WDFY4: variants seen among roughly 807,000 people sequenced by gnomAD.
The protein encoded by WDFY4 is WD repeat- and FYVE domain-containing protein 4.
Under a neutral mutation model 351.9 loss-of-function variants are expected in WDFY4, and 169 were observed. The observed-to-expected ratio is 0.48, with a 90% confidence interval of 0.42 to 0.55. The LOEUF is 0.55. Among genes scored for constraint, WDFY4 ranks in the 20% least tolerant of loss-of-function variants. The pLI is 0.00. For missense variants in WDFY4, 3,803 were observed against 3,935.6 expected (o/e 0.97, Z 0.90); for synonymous variants, 1,622 against 1,574.6 (o/e 1.03, Z -0.71).
chr10:48,783,993 T>C (rs2066311584), intron 19 of WDFY4, among the ~76,000 whole-genome samples: 1 of 152,252 alleles, frequency 6.6e-6, no homozygotes, highest in African/African-American at 2.4e-5. Context: ...TACTTGGAAA[T>C]TCATCCAAAC....
At chr10:48,850,052 G>T (rs1159503350) in intron 39 of WDFY4, among the ~76,000 whole-genome samples, 1 of 152,176 alleles carries the variant, frequency 6.6e-6, no homozygotes, top group African/African-American at 2.4e-5. Context: ...GAAGTGATAT[G>T]CCCTTCTTTC....
At chr10:48,869,096 G>T (rs2069661040) in intron 40 of WDFY4, among the ~76,000 whole-genome samples, 1 of 152,200 alleles carries the variant, frequency 6.6e-6, no homozygotes, top group Admixed American at 6.5e-5. Context: ...AAGTCAGGTT[G>T]TTTTGATATT....
At chr10:48,797,165 T>C (rs1313162476) in intron 24 of WDFY4, among the ~76,000 whole-genome samples, 4 of 152,186 alleles carry the variant, frequency 2.6e-5, no homozygotes, top group Non-Finnish European at 4.4e-5. Flanking sequence ...GGAGTGTATA[T>C]GCTATTTGCA....
At chr10:48,789,844 C>T in intron 21 of WDFY4, 30 bp from the exon 22 acceptor site, 2 of 1,549,652 alleles carry the variant, frequency 1.3e-6, no homozygotes, top group Non-Finnish European at 1.7e-6. Context: ...GCAGGACTTT[C>T]TTAGGACTAA....
Position 48,731,509 on chromosome 10 carries a change from T to C in WDFY4, c.1529T>C (p.Leu510Pro). Residue 510 changes from leucine to proline, a missense_variant, in exon 9 of 62, where the codon CTG becomes CCG. This residue lies in a region of WDFY4 where 261 missense variants were observed against 330.2 expected (regional missense o/e 0.79). Transcript: ENST00000325239. ...GACATCTTCCGGGACTCAGGGCTCC[T>C]GGGCCTGCTACTGGCACAGCTTCGG... is the stretch of plus-strand genomic sequence containing the variant. ...FTDIFRDSGL[L>P]GLLLAQLRKQ... The C allele has an allele frequency of 6.4e-7, 1 of 1,551,520 alleles. No individual in the cohort carries two copies. Among genetic ancestry groups the C allele is most frequent in the Non-Finnish European group, 8.7e-7 (1 of 1,146,976 alleles).
At chr10:48,928,620 C>T (rs982890213) in intron 47 of WDFY4, among the ~76,000 whole-genome samples, 91 of 152,184 alleles carry the variant, frequency 6.0e-4, no homozygotes, top group African/African-American at 2.2e-3. Context: ...CAGGCCCCCT[C>T]GTATCATGCT....
intron 11 of WDFY4, among the ~76,000 whole-genome samples, chr10:48,742,628 G>A (rs1048458915): frequency 3.3e-5 from 5 of 152,200 alleles, no homozygotes; most frequent in Admixed American, 2.6e-4. Flanking sequence ...AGAGTATGAC[G>A]AGAGTTTTGA....
chr10:48,814,224 C>T, intron 31 of WDFY4, 142 bp downstream of exon 31: 1 of 1,188,640 alleles, frequency 8.4e-7, no homozygotes, highest in Non-Finnish European at 1.1e-6. Flanking sequence ...GAGGTAAGTT[C>T]CTAGAGTGAC....
intron 39 of WDFY4, among the ~76,000 whole-genome samples, chr10:48,854,614 A>G (rs1210997524): frequency 1.3e-5 from 2 of 152,174 alleles, no homozygotes; most frequent in African/African-American, 4.8e-5. Context: ...AGATTGAGTG[A>G]TCTCTCCTGT....
At chr10:48,813,847 C>A in intron 30 of WDFY4, 110 bp from the exon 31 acceptor site, 1 of 1,312,358 alleles carries the variant, frequency 7.6e-7, no homozygotes, top group Non-Finnish European at 9.9e-7. Context: ...CCAGTGTGCT[C>A]TTTTGCTTTT....
chr10:48,805,997 T>A lies in WDFY4; in HGVS notation c.4647-7T>A. 1 of 1,551,618 alleles carries A rather than the reference T, an allele frequency of 6.4e-7. No homozygotes were observed. Among genetic ancestry groups the A allele is most frequent in the East Asian group, 2.4e-5 (1 of 40,914 alleles). ...GCGAGCCTGTCCTTCTCTCCCTGTGTATAAAGGATTGGGCTGTTTGTTGTG... is the reference window on the plus strand; with the variant it reads ...GCGAGCCTGTCCTTCTCTCCCTGTGAATAAAGGATTGGGCTGTTTGTTGTG... On this transcript the variant is annotated splice_region_variant and splice_polypyrimidine_tract_variant and intron_variant, in intron 26 of 61. Transcript: ENST00000325239.
chr10:48,858,341 T>C (rs1589761480), intron 39 of WDFY4, among the ~76,000 whole-genome samples: 1 of 152,232 alleles, frequency 6.6e-6, no homozygotes, highest in Non-Finnish European at 1.5e-5. Flanking sequence ...AAAATATGTA[T>C]AGTTTTATGT....
At chr10:48,731,069 G>A (rs2064443191) in intron 8 of WDFY4, 41 bp from the exon 9 acceptor site, 4 of 1,475,948 alleles carry the variant, frequency 2.7e-6, no homozygotes, top group Non-Finnish European at 3.6e-6. Flanking sequence ...GACACAGGCA[G>A]GAGAAATGAC....
At chr10:48,833,289 G>A (rs372567091) in intron 39 of WDFY4, among the ~76,000 whole-genome samples, 9 of 152,066 alleles carry the variant, frequency 5.9e-5, no homozygotes, top group South Asian at 4.2e-4. Context: ...AGTTGGGATC[G>A]TTGGAAGGCT....
At chr10:48,936,743 C>A (rs1458715025) in intron 47 of WDFY4, among the ~76,000 whole-genome samples, 3 of 148,980 alleles carry the variant, frequency 2.0e-5, no homozygotes, top group African/African-American at 7.4e-5. Context: ...GAGGCTGAGG[C>A]AGGAGAATCG....
At chr10:48,975,776 G>A (rs747851412) in intron 58 of WDFY4, among the ~76,000 whole-genome samples, 3 of 152,082 alleles carry the variant, frequency 2.0e-5, no homozygotes, top group Non-Finnish European at 4.4e-5. Flanking sequence ...ATGGATGGAC[G>A]GGTGGATAGA....
In WDFY4 at chr10:48,966,539, C is replaced by T. The variant is rs1459733538; in HGVS notation, c.8450C>T (p.Pro2817Leu). 2 of 1,551,852 alleles carry T rather than the reference C, an allele frequency of 1.3e-6. No individual in the cohort carries two copies. Among genetic ancestry groups the T allele is most frequent in the African/African-American group, 1.4e-5 (1 of 73,040 alleles). The change falls in exon 55 of 62, where the codon CCT becomes CTT. Residue 2817 changes from proline to leucine, a missense_variant. Pro to Leu is a moderately conservative substitution (Grantham distance 98). Coordinates refer to ENST00000325239, the MANE Select transcript of WDFY4 (RefSeq NM_001394531.1). ...GQVPKQLFTKPHPARTAAGKP... is the reference protein window; with the variant it reads ...GQVPKQLFTKLHPARTAAGKP... ...CTGTCTCTCTAGCTCTTTACCAAAC[C>T]TCACCCAGCCAGGACTGCAGCAGGG...
intron 39 of WDFY4, among the ~76,000 whole-genome samples, chr10:48,841,388 T>C (rs1215312999): frequency 6.6e-6 from 1 of 152,186 alleles, no homozygotes; most frequent in Non-Finnish European, 1.5e-5. Context: ...TTTAAACATA[T>C]CACAACTGAT....
chr10:48,697,416 C>A (rs2063359357), intron 1 of WDFY4, among the ~76,000 whole-genome samples: 1 of 152,224 alleles, frequency 6.6e-6, no homozygotes, highest in African/African-American at 2.4e-5. Context: ...TTGTAGCCAA[C>A]ACTTACACAT....
Sources: gnomAD v4.1 joint callset for allele counts (sites outside exome capture counted in the v4.1 genomes callset) on GRCh38, gnomAD v4.1.1 for gene constraint, gnomAD v4.1.1 regional missense constraint, MANE v1.5 for transcripts, NCBI Gene and HGNC (gene_info 2026-07-23, HGNC 2026-07-21) for gene names.